The following APOA1 variants were observed in gnomAD, a reference collection of about 807,000 sequenced individuals.
The protein encoded by APOA1 is apolipoprotein A1, also known as apolipoprotein A-I.
In APOA1, 22 loss-of-function variants were observed where a neutral mutation model predicts 25.9. That is an observed-to-expected ratio of 0.85 (90% CI 0.61 to 1.21). The LOEUF (loss-of-function observed/expected upper bound fraction) is 1.21, where lower values mean the gene tolerates loss of function less well. Ranked by LOEUF, APOA1 falls within the 50% of genes most tolerant of loss-of-function variation. The pLI is 0.00. For missense variants in APOA1, 351 were observed against 347.9 expected, an observed-to-expected ratio of 1.01 and a Z score of -0.07; for synonymous variants, 163 against 152.2, an observed-to-expected ratio of 1.07 and a Z score of -0.52.
chr11:116,836,534 C>T (rs1941554773), intron 3 of APOA1, 123 bp from the exon 4 acceptor site: 1 of 1,314,266 alleles, frequency 7.6e-7, no homozygotes, highest in Non-Finnish European at 1.1e-6. Flanking sequence ...ACACTCTCAA[C>T]CAACACCCCT....
At position 116,837,233 on chromosome 11, in the gene APOA1, G is replaced by T. The variant is rs540098122; in HGVS notation, c.44-76C>A. 3.8e-5 allele frequency: 60 copies of T among 1,581,356 alleles called. No homozygotes were observed. In the South Asian group the frequency reaches 5.6e-4, roughly 15 times the overall value. On this transcript the variant is annotated intron_variant, in intron 2 of 3. Coordinates refer to ENST00000236850, the MANE Select transcript of APOA1 (RefSeq NM_000039.3). ...GAGCCGAAAGGCCAAGCTTGGAGGT[G>T]GGGGAGAGGGGGCCAGTGAGAAACC... is the stretch of plus-strand genomic sequence containing the variant.
At chr11:116,837,540 C>CCGGGCCT in intron 1 of APOA1, 65 bp downstream of exon 1, 2 of 944,390 alleles carry the variant, frequency 2.1e-6, no homozygotes, top group Non-Finnish European at 3.3e-6. Flanking sequence ...AGAGGCCCGG[C>CCGGGCCT]CTGGGGCAAG....
chr11:116,836,369 G>A lies in APOA1; in HGVS notation c.243C>T (p.Phe81=), dbSNP rs1290446046. Residue 81 remains phenylalanine (F), a synonymous_variant, in exon 4 of 4, where the codon TTC becomes TTT. Coordinates refer to ENST00000236850, the MANE Select transcript of APOA1 (RefSeq NM_000039.3). ...LDNWDSVTST[F]SKLREQLGPV... is the part of the protein sequence containing the mutation. ...GGCCGAGCTGTTCGCGCAGCTTGCT[G>A]AAGGTGGAGGTCACGCTGTCCCAGT... 1.2e-6 allele frequency: 2 copies of A among 1,614,130 alleles called. No homozygotes were observed. The highest frequency in any genetic ancestry group is 2.7e-5 in the African/African-American group (2 of 75,076).
At position 116,836,913 on chromosome 11, in the gene APOA1, A is replaced by G. The variant is rs1193629276; in HGVS notation, c.200+88T>C. 1.4e-5 allele frequency: 20 copies of G among 1,404,806 alleles called. No individual in the cohort carries two copies. In the Admixed American group the frequency reaches 3.4e-4, roughly 24 times the overall value. 87.0% of individuals were successfully genotyped at this position (1,404,806 alleles called of 1,614,324 possible). A position where few individuals can be genotyped will look rare whatever the true frequency, so the allele number is the denominator to read the frequency against. On this transcript the variant is annotated intron_variant, in intron 3 of 3. Coordinates refer to ENST00000236850, the MANE Select transcript of APOA1 (RefSeq NM_000039.3). ...TGTGGGGCCCAGCTCATCAGATATTAGGTGAGGACTCGGCCAGTCTGGCTT... is the reference window on the plus strand; with the variant it reads ...TGTGGGGCCCAGCTCATCAGATATTGGGTGAGGACTCGGCCAGTCTGGCTT...
rs28931573 is a variant in APOA1, at chr11:116,836,023, G to T, written c.589C>A (p.Arg197Ser). The T allele has an allele frequency of 6.2e-7, 1 of 1,606,598 alleles. No individual in the cohort carries two copies. Among genetic ancestry groups the T allele is most frequent in the South Asian group, 1.1e-5 (1 of 91,012 alleles). ...LAPYSDELRQ[R>S]LAARLEALKE... ...AGAGCCTCAAGGCGCGCGGCCAAGC[G>T]CTGGCGCAGCTCGTCGCTGTAGGGG... The change falls in exon 4 of 4, where the codon CGC becomes AGC. Residue 197 changes from arginine (R) to serine (S), a missense_variant. Transcript: ENST00000236850.
Position 116,835,754 on chromosome 11 carries a change from C to G in APOA1, c.*54G>C. The G allele has an allele frequency of 6.2e-7, 1 of 1,611,522 alleles. No homozygotes were observed. Among genetic ancestry groups the G allele is most frequent in the Non-Finnish European group, 8.5e-7 (1 of 1,179,436 alleles). On this transcript the variant is annotated 3_prime_UTR_variant, in exon 4 of 4. Coordinates refer to ENST00000236850, the MANE Select transcript of APOA1 (RefSeq NM_000039.3). ...TCTCCCAAAAGAAAGAAGCTGCTTCCCACTTTGGAAACGTTTATTCTGAGC... is the reference window on the plus strand; with the variant it reads ...TCTCCCAAAAGAAAGAAGCTGCTTCGCACTTTGGAAACGTTTATTCTGAGC...
chr11:116,836,399 AAGG>A lies in APOA1; in HGVS notation c.210_212del (p.Leu71del), dbSNP rs770007065. ...TGGAGGTCACGCTGTCCCAGTTGTC[AAGG>A]AGCTTTAGGCTGGAGGGTGAGACAG... is the stretch of plus-strand genomic sequence containing the variant. On this transcript the variant is annotated inframe_deletion, in exon 4 of 4. Coordinates refer to ENST00000236850, the MANE Select transcript of APOA1 (RefSeq NM_000039.3). The A allele has an allele frequency of 6.2e-7, 1 of 1,613,902 alleles. No individual in the cohort carries two copies. Among genetic ancestry groups the A allele is most frequent in the South Asian group, 1.1e-5 (1 of 91,088 alleles).
At chr11:116,836,810 C>T (rs1206945718) in intron 3 of APOA1, among the ~76,000 whole-genome samples, 191 bp downstream of exon 3, 3 of 152,242 alleles carry the variant, frequency 2.0e-5, no homozygotes, top group Non-Finnish European at 4.4e-5. Context: ...ATCGGGCAGC[C>T]CTGGTCTGTC....
chr11:116,837,567 G>T, intron 1 of APOA1, 38 bp downstream of exon 1: 1 of 716,384 alleles, frequency 1.4e-6, no homozygotes, highest in Non-Finnish European at 2.4e-6. Context: ...ACCTTGAGCT[G>T]GGGAGCCAGA....
At chr11:116,837,244 G>A in intron 2 of APOA1, 87 bp from the exon 3 acceptor site, 1 of 1,578,424 alleles carries the variant, frequency 6.3e-7, no homozygotes, top group Non-Finnish European at 8.7e-7. Context: ...GGGGAGAGGG[G>A]GCCAGTGAGA....
rs199759119 is a variant in APOA1 at position 116,837,023 on chromosome 11, A to G, written c.178T>C (p.Ser60Pro). 1 of 1,614,152 alleles carries G rather than the reference A, an allele frequency of 6.2e-7. No homozygotes were observed. The highest frequency in any genetic ancestry group is 8.5e-7 in the Non-Finnish European group (1 of 1,180,036). ...GRDYVSQFEG[S>P]ALGKQLNLKL... is the part of the protein sequence containing the mutation. ...TACTTTAGCTGTTTTCCCAAGGCGGAGCCTTCAAACTGGGACACATAGTCT... is the reference window on the plus strand; with the variant it reads ...TACTTTAGCTGTTTTCCCAAGGCGGGGCCTTCAAACTGGGACACATAGTCT... The change falls in exon 3 of 4, where the codon TCC becomes CCC. Residue 60 changes from serine (S) to proline (P), a missense_variant. Ser to Pro is a moderately conservative substitution (Grantham distance 74). Transcript: ENST00000236850.
chr11:116,837,133 T>A lies in APOA1; in HGVS notation c.68A>T (p.Gln23Leu). The A allele has an allele frequency of 6.2e-7, 1 of 1,613,130 alleles. No homozygotes were observed. The highest frequency in any genetic ancestry group is 8.5e-7 in the Non-Finnish European group (1 of 1,179,298). Residue 23 changes from glutamine to leucine, a missense_variant, in exon 3 of 4, where the codon CAG becomes CTG. By Grantham distance (113) the Gln-to-Leu change is moderately radical (BLOSUM62 -2). Transcript: ENST00000236850. ...GGGGCTCTGGGGGGGTTCATCTTGC[T>A]GCCAGAAATGCCGAGCCTGGCTCCC... ...LTGSQARHFW[Q>L]QDEPPQSPWD...
Position 116,837,030 on chromosome 11 carries a change from A to C in APOA1, c.171T>G (p.Phe57Leu). 5 of 1,614,182 alleles carry C rather than the reference A, an allele frequency of 3.1e-6. No homozygotes were observed. Among genetic ancestry groups the C allele is most frequent in the Non-Finnish European group, 4.2e-6 (5 of 1,180,046 alleles). ...KDSGRDYVSQ[F>L]EGSALGKQLN... ...GCTGTTTTCCCAAGGCGGAGCCTTC[A>C]AACTGGGACACATAGTCTCTGCCGC... The change falls in exon 3 of 4, where the codon TTT becomes TTG. Residue 57 changes from phenylalanine (F) to leucine (L), a missense_variant. Phe to Leu is a conservative substitution (Grantham distance 22). Transcript: ENST00000236850.
chr11:116,836,979 C>T, intron 3 of APOA1, 22 bp downstream of exon 3: 7 of 1,613,754 alleles, frequency 4.3e-6, no homozygotes, highest in Non-Finnish European at 5.1e-6. Context: ...CCCCTGCCCT[C>T]AACCCCAGGC....
At position 116,836,120 on chromosome 11, in the gene APOA1, C is replaced by T. The variant is rs141429250; in HGVS notation, c.492G>A (p.Lys164=). The T allele has an allele frequency of 4.3e-6, 7 of 1,612,336 alleles. No individual in the cohort carries two copies. The African/African-American group carries it at 9.3e-5, about 22-fold the overall frequency. The part of the protein sequence containing the change: ...ARQKLHELQE[K]LSPLGEEMRD... ...GCATCTCCTCGCCCAGTGGGCTCAG[C>T]TTCTCTTGCAGCTCGTGCAGCTTCT... The change falls in exon 4 of 4, where the codon AAG becomes AAA. Residue 164 remains lysine, a synonymous_variant. Transcript: ENST00000236850.
chr11:116,837,389 C>A lies in APOA1; in HGVS notation c.-2G>T. 6.4e-7 allele frequency: 1 copy of A among 1,558,656 alleles called. No homozygotes were observed. The highest frequency in any genetic ancestry group is 8.7e-7 in the Non-Finnish European group (1 of 1,150,690). Reference sequence around the variant, plus strand: ...CAAGGTCAGCACCGCAGCTTTCATCCTGAAGGGCCGTGGGGGACCTGGAGG... The same window carrying A: ...CAAGGTCAGCACCGCAGCTTTCATCATGAAGGGCCGTGGGGGACCTGGAGG... On this transcript the variant is annotated 5_prime_UTR_variant, in exon 2 of 4. It adds an upstream start codon to the 5' untranslated region. Coordinates refer to ENST00000236850, the MANE Select transcript of APOA1 (RefSeq NM_000039.3).
rs112450237 is a variant in APOA1, at chr11:116,836,561, C to A, written c.201-150G>T. 8.1e-3 allele frequency: 9,008 copies of A among 1,118,754 alleles called. 63 individuals are homozygous for A. The highest frequency in any genetic ancestry group is 9.7e-3 in the Non-Finnish European group (7,425 of 768,992). 69.3% of individuals were successfully genotyped at this position (1,118,754 alleles called of 1,614,324 possible). A position where few individuals can be genotyped will look rare whatever the true frequency, so the allele number is the denominator to read the frequency against. Reference sequence around the variant, plus strand: ...AACACCCCTGCCCCGCCAGGCCATGCCCCGTTGTGCAGCTGGACCGAGGCA... The same window carrying A: ...AACACCCCTGCCCCGCCAGGCCATGACCCGTTGTGCAGCTGGACCGAGGCA... On this transcript the variant is annotated intron_variant, in intron 3 of 3. Transcript: ENST00000236850.
In APOA1 at chr11:116,836,169, G is replaced by C; in HGVS notation, c.443C>G (p.Ala148Gly). 8 of 1,613,586 alleles carry C rather than the reference G, an allele frequency of 5.0e-6. No homozygotes were observed. Among genetic ancestry groups the C allele is most frequent in the Non-Finnish European group, 6.8e-6 (8 of 1,180,020 alleles). Reference sequence around the variant, plus strand: ...CTGGCGCGCGCCCTCTTGGAGCTCTGCGCGCAGCGGCTCCACCTTCTGGCG... The same window carrying C: ...CTGGCGCGCGCCCTCTTGGAGCTCTCCGCGCAGCGGCTCCACCTTCTGGCG... ...LYRQKVEPLR[A>G]ELQEGARQKL... The change falls in exon 4 of 4, where the codon GCA becomes GGA. Residue 148 changes from alanine to glycine, a missense_variant. Ala to Gly is a moderately conservative substitution (Grantham distance 60). Coordinates refer to ENST00000236850, the MANE Select transcript of APOA1 (RefSeq NM_000039.3).
chr11:116,835,861 C>A lies in APOA1; in HGVS notation c.751G>T (p.Val251Phe). ...GLLPVLESFK[V>F]SFLSALEEYT... ...TCCTCGAGAGCGCTCAGGAAGCTGA[C>A]CTTGAAGCTCTCCAGCACGGGCAGC... The change falls in exon 4 of 4, where the codon GTC (valine) becomes TTC (phenylalanine). Residue 251 changes from valine to phenylalanine, a missense_variant. Transcript: ENST00000236850. 1.2e-6 allele frequency: 2 copies of A among 1,613,186 alleles called. No homozygotes were observed. The highest frequency in any genetic ancestry group is 2.2e-5 in the South Asian group (2 of 91,092).
Sources: allele counts gnomAD v4.1 joint callset (sites outside exome capture counted in the v4.1 genomes callset), GRCh38; gene constraint gnomAD v4.1.1; transcripts MANE v1.5; gene names NCBI Gene and HGNC (gene_info 2026-07-23, HGNC 2026-07-21).